The following DNAAF11 variants were observed in gnomAD, a reference collection of about 807,000 sequenced individuals.
DNAAF11 encodes dynein axonemal assembly factor 11.
Under a neutral mutation model 60.8 loss-of-function variants are expected in DNAAF11, and 45 were observed. That is an observed-to-expected ratio of 0.74 (90% CI 0.58 to 0.95). The LOEUF is 0.95. Ranked by LOEUF, DNAAF11 falls within the 40% of genes least tolerant of loss-of-function variation. The pLI is 0.00. For missense variants in DNAAF11, 546 were observed against 546.2 expected (o/e 1.00, Z 0.00); for synonymous variants, 191 against 183.5 (o/e 1.04, Z -0.33).
At chr8:132,610,852 T>TC (rs1469417977) in intron 9 of DNAAF11, among the ~76,000 whole-genome samples, 14 of 152,164 alleles carry the variant, frequency 9.2e-5, no homozygotes, top group African/African-American at 3.1e-4. Context: ...GCACTCTGTT[T>TC]CATTTCCCTT....
rs186077443 is a variant in DNAAF11, at chr8:132,577,621, A to T, written c.1227-5141T>A. Among the ~76,000 whole-genome samples, 158 of 152,356 alleles carry T rather than the reference A, an allele frequency of 1.0e-3. 1 individual carries two copies. The highest frequency in any genetic ancestry group is 3.5e-3 in the African/African-American group (147 of 41,584). ...TCAGTTGTACAAATAATTAATAATG[A>T]TGTTAATAACAATAGCCACTGACAT... On this transcript the variant is annotated intron_variant, in intron 11 of 11. Coordinates refer to ENST00000620350, the MANE Select transcript of DNAAF11 (RefSeq NM_012472.6).
intron 10 of DNAAF11, among the ~76,000 whole-genome samples, chr8:132,584,911 A>G (rs1313080470): frequency 6.6e-6 from 1 of 152,160 alleles, no homozygotes; most frequent in African/African-American, 2.4e-5. Flanking sequence ...CTTACAGTAT[A>G]TATTTGGGAA....
intron 10 of DNAAF11, among the ~76,000 whole-genome samples, chr8:132,596,889 T>A (rs909199258): frequency 1.3e-5 from 2 of 152,248 alleles, no homozygotes; most frequent in African/African-American, 4.8e-5. Context: ...TAGGGACAGC[T>A]GTGCAGGGAA....
intron 10 of DNAAF11, among the ~76,000 whole-genome samples, chr8:132,595,675 G>T (rs1025270937): frequency 3.3e-5 from 5 of 152,140 alleles, no homozygotes; most frequent in Non-Finnish European, 5.9e-5. Flanking sequence ...TCCAGATAGT[G>T]GGACCATGAG....
At chr8:132,634,350 T>C (rs1303749583) in intron 4 of DNAAF11, among the ~76,000 whole-genome samples, 1 of 152,196 alleles carries the variant, frequency 6.6e-6, no homozygotes, top group East Asian at 1.9e-4. Context: ...CAGAGTTTCA[T>C]AATGGAGATA....
At chr8:132,686,960 C>T in the DNAAF11 span, among the ~76,000 whole-genome samples, 2 of 152,164 alleles carry the variant, frequency 1.3e-5, no homozygotes, top group African/African-American at 4.8e-5. Flanking sequence ...ACTAGTCTGT[C>T]TCTGCTGAAC....
At chr8:132,642,474 G>C (rs1018847588) in intron 3 of DNAAF11, among the ~76,000 whole-genome samples, 1 of 152,222 alleles carries the variant, frequency 6.6e-6, no homozygotes, top group African/African-American at 2.4e-5. Flanking sequence ...TGGAACCAGT[G>C]AAGCTCTGGG....
At chr8:132,670,740 C>T (rs1025572692) in intron 1 of DNAAF11, among the ~76,000 whole-genome samples, 1 of 152,042 alleles carries the variant, frequency 6.6e-6, no homozygotes, top group African/African-American at 2.4e-5. Context: ...AATCCAACAA[C>T]ATAATAAAAA....
chr8:132,627,384 G>A (rs1310850326), intron 5 of DNAAF11, among the ~76,000 whole-genome samples: 1 of 152,120 alleles, frequency 6.6e-6, no homozygotes, highest in African/African-American at 2.4e-5. Context: ...TGTGTAACTG[G>A]TTGATGAAAC....
chr8:132,620,952 C>T (rs1299178524), intron 7 of DNAAF11, among the ~76,000 whole-genome samples: 1 of 152,100 alleles, frequency 6.6e-6, no homozygotes, highest in Non-Finnish European at 1.5e-5. Context: ...GGATCACCTA[C>T]ATGTTTGATA....
At chr8:132,627,126 A>G (rs1307800613) in intron 5 of DNAAF11, among the ~76,000 whole-genome samples, 1 of 152,220 alleles carries the variant, frequency 6.6e-6, no homozygotes, top group African/African-American at 2.4e-5. Flanking sequence ...ATGGTATTGA[A>G]AGAATAATCT....
intron 10 of DNAAF11, among the ~76,000 whole-genome samples, chr8:132,599,145 C>T (rs1252995203): frequency 6.6e-6 from 1 of 152,102 alleles, no homozygotes; most frequent in African/African-American, 2.4e-5. Flanking sequence ...ACTATAAACA[C>T]CTCTACGCAA....
At chr8:132,626,399 C>CATGGT (rs1820288645) in intron 5 of DNAAF11, among the ~76,000 whole-genome samples, 2 of 152,136 alleles carry the variant, frequency 1.3e-5, no homozygotes. Flanking sequence ...TCATGGATAA[C>CATGGT]TTCTGATTAT....
intron 7 of DNAAF11, among the ~76,000 whole-genome samples, chr8:132,617,064 G>A (rs183518896): frequency 1.3e-5 from 2 of 152,264 alleles, no homozygotes; most frequent in Admixed American, 6.5e-5. Flanking sequence ...AGATGAATGG[G>A]TACAATTATC....
At chr8:132,658,671 T>G (rs1461404950) in intron 2 of DNAAF11, among the ~76,000 whole-genome samples, 1 of 152,172 alleles carries the variant, frequency 6.6e-6, no homozygotes, top group Non-Finnish European at 1.5e-5. Context: ...GTCCACATCC[T>G]GAACAAAATA....
chr8:132,609,187 C>T (rs1476962799), intron 10 of DNAAF11, among the ~76,000 whole-genome samples: 5 of 151,674 alleles, frequency 3.3e-5, no homozygotes, highest in Non-Finnish European at 7.4e-5. Context: ...CCTTGAACAC[C>T]AAAATCTTCA....
intron 5 of DNAAF11, 29 bp from the exon 6 acceptor site, chr8:132,625,483 A>T (rs748500716): frequency 2.6e-6 from 4 of 1,530,766 alleles, no homozygotes; most frequent in Non-Finnish European, 3.6e-6. Context: ...GCACTTAAAA[A>T]CAATAATGGA....
the DNAAF11 span, among the ~76,000 whole-genome samples, chr8:132,684,515 C>G: frequency 6.6e-6 from 1 of 151,998 alleles, no homozygotes; most frequent in African/African-American, 2.4e-5. Context: ...AAGCCCTCAC[C>G]CCCCACACTA....
chr8:132,636,315 G>A (rs1346374791), intron 4 of DNAAF11, among the ~76,000 whole-genome samples: 1 of 152,038 alleles, frequency 6.6e-6, no homozygotes, highest in Admixed American at 6.5e-5. Flanking sequence ...ATTTAACCCG[G>A]AGAGAAGCAG....
Sources: gnomAD v4.1 joint callset for allele counts (sites outside exome capture counted in the v4.1 genomes callset) on GRCh38, gnomAD v4.1.1 for gene constraint, MANE v1.5 for transcripts, NCBI Gene and HGNC (gene_info 2026-07-23, HGNC 2026-07-21) for gene names.